Variants in DSCAM observed in about 807,000 individuals in gnomAD.
DSCAM encodes cell adhesion molecule DSCAM.
In DSCAM, 47 loss-of-function variants were observed where a neutral mutation model predicts 217.7. The observed-to-expected ratio is 0.22, with a 90% CI of 0.17 to 0.28. The LOEUF is 0.28. Ranked by LOEUF, DSCAM falls within the 10% of genes least tolerant of loss-of-function variation. The pLI, the probability that DSCAM is intolerant of heterozygous loss-of-function variation, is 1.00. For synonymous variants in DSCAM, 1,056 were observed against 1,015.3 expected, an observed-to-expected ratio of 1.04 and a Z score of -0.76; for missense variants, 2,080 against 2,618.3, an observed-to-expected ratio of 0.79 and a Z score of 4.49.
At chr21:40,233,373 C>T (rs1339118982) in intron 11 of DSCAM, among the ~76,000 whole-genome samples, 1 of 152,114 alleles carries the variant, frequency 6.6e-6, no homozygotes, top group African/African-American at 2.4e-5. Flanking sequence ...CCAAAAAACT[C>T]ACCTAAACAA....
intron 3 of DSCAM, among the ~76,000 whole-genome samples, chr21:40,676,636 C>CT (rs2090343352): frequency 2.0e-5 from 3 of 152,100 alleles, no homozygotes; most frequent in Non-Finnish European, 4.4e-5. Flanking sequence ...GAGGAATTGA[C>CT]TTGATGGGGA....
At chr21:40,480,690 T>G (rs2075974730) in intron 3 of DSCAM, among the ~76,000 whole-genome samples, 2 of 152,224 alleles carry the variant, frequency 1.3e-5, no homozygotes, top group South Asian at 4.1e-4. Flanking sequence ...CGTGCTGGAC[T>G]GTCATATTAA....
chr21:40,797,476 C>T (rs1488644014), intron 1 of DSCAM, among the ~76,000 whole-genome samples: 11 of 152,142 alleles, frequency 7.2e-5, no homozygotes, highest in Admixed American at 7.2e-4. Context: ...ACACATTCTC[C>T]CCAGTGAACA....
Position 40,083,923 on chromosome 21 carries a change from C to G in DSCAM, c.4216G>C (p.Gly1406Arg). ...ATCTTATTACCTCTGATAGAGCTGCCCCCGTTGTCTCCAGGGAGCCAAGAA... is the reference window on the plus strand; with the variant it reads ...ATCTTATTACCTCTGATAGAGCTGCGCCCGTTGTCTCCAGGGAGCCAAGAA... ...TLSWLPGDNG[G>R]SSIRGYILQY... Residue 1406 changes from glycine to arginine, a missense_variant, in exon 24 of 33, where the codon GGC (glycine) becomes CGC (arginine). Physicochemically the swap from Gly to Arg is moderately radical, Grantham distance 125. Coordinates refer to ENST00000400454, the MANE Select transcript of DSCAM (RefSeq NM_001389.5). The G allele has an allele frequency of 3.1e-6, 5 of 1,613,292 alleles. 1 individual carries two copies. Among genetic ancestry groups the G allele is most frequent in the Non-Finnish European group, 4.2e-6 (5 of 1,179,618 alleles).
At chr21:40,138,705 G>A (rs901368436) in intron 18 of DSCAM, among the ~76,000 whole-genome samples, 1 of 149,492 alleles carries the variant, frequency 6.7e-6, no homozygotes, top group Non-Finnish European at 1.5e-5. Context: ...TGGTGTATGT[G>A]TGGTGTGTGT....
At chr21:40,256,869 T>C (rs547047434) in intron 11 of DSCAM, among the ~76,000 whole-genome samples, 3 of 152,274 alleles carry the variant, frequency 2.0e-5, no homozygotes, top group South Asian at 2.1e-4. Flanking sequence ...GCTTACACCA[T>C]ACTTACTCTT....
chr21:40,044,340 T>C, intron 30 of DSCAM, 65 bp from the exon 31 acceptor site: 1 of 1,514,066 alleles, frequency 6.6e-7, no homozygotes, highest in Middle Eastern at 1.7e-4. Flanking sequence ...AGAGCAAGCG[T>C]AGAGGTCAGT....
At chr21:40,564,691 G>A (rs1359599592) in intron 3 of DSCAM, among the ~76,000 whole-genome samples, 2 of 152,166 alleles carry the variant, frequency 1.3e-5, no homozygotes, top group African/African-American at 4.8e-5. Context: ...ATGAGCACGT[G>A]AAACGGGAAC....
rs562639996 is a variant in DSCAM, at chr21:40,778,768, T to C, written c.43+67851A>G. 5.3e-5 allele frequency among the ~76,000 whole-genome samples: 8 copies of C among 152,272 alleles called. No homozygotes were observed. The East Asian group carries it at 1.5e-3, about 29-fold the overall frequency. ...GGCCGGGCATGGTGGCTCATGCCTG[T>C]AATCCCAGCACTTTGGGAGGCCAAG... On this transcript the variant is annotated intron_variant, in intron 1 of 32. Transcript: ENST00000400454.
intron 1 of DSCAM, among the ~76,000 whole-genome samples, chr21:40,738,785 T>C (rs2091091837): frequency 6.6e-6 from 1 of 152,200 alleles, no homozygotes; most frequent in Non-Finnish European, 1.5e-5. Flanking sequence ...AGCAAAGTCC[T>C]AGAACCAGAT....
At chr21:40,523,457 AGCCAGCAG>A (rs887517157) in intron 3 of DSCAM, among the ~76,000 whole-genome samples, 2 of 152,160 alleles carry the variant, frequency 1.3e-5, no homozygotes, top group South Asian at 4.1e-4. Context: ...CACCGACAGA[AGCCAGCAG>A]GCCAGCAGGC....
Position 40,187,153 on chromosome 21 carries a change from A to C in DSCAM, c.2757T>G (p.Asp919Glu). ...FDGNSPITGY[D>E]IECKNKSDSW... ...TACCTGATTTATTTTTGCATTCAATATCGTAGCCTGTGATGGGACTGTTTC... is the reference window on the plus strand; with the variant it reads ...TACCTGATTTATTTTTGCATTCAATCTCGTAGCCTGTGATGGGACTGTTTC... The change falls in exon 14 of 33, where the codon GAT (aspartate) becomes GAG (glutamate). Residue 919 changes from aspartate to glutamate, a missense_variant. Around this residue, in one of 5 missense-constraint regions of DSCAM, gnomAD observed 1,144 missense variants for 1,421.1 expected, o/e 0.81. Coordinates refer to ENST00000400454, the MANE Select transcript of DSCAM (RefSeq NM_001389.5). 6.2e-7 allele frequency: 1 copy of C among 1,614,056 alleles called. No individual in the cohort carries two copies. Among genetic ancestry groups the C allele is most frequent in the Non-Finnish European group, 8.5e-7 (1 of 1,179,956 alleles).
In DSCAM at chr21:40,674,694, G is replaced by A. The variant is rs1164460186; in HGVS notation, c.508+18116C>T. Among the ~76,000 whole-genome samples, 3 of 140,986 alleles carry A rather than the reference G, an allele frequency of 2.1e-5. No homozygotes were observed. In the East Asian group the frequency reaches 6.5e-4, roughly 30 times the overall value. The allele number at this position is 140,986 out of a possible 152,430, so 92.5% of individuals were successfully genotyped here. A position where few individuals can be genotyped will look rare whatever the true frequency, so the allele number is the denominator to read the frequency against. On this transcript the variant is annotated intron_variant, in intron 3 of 32. Coordinates refer to ENST00000400454, the MANE Select transcript of DSCAM (RefSeq NM_001389.5). ...GTCTCCCAGGCTGGAGTGCAGTGGC[G>A]CGATCTCGGCTCACTGCAAGCTCCG...
At chr21:40,460,710 G>C (rs2145947696) in intron 3 of DSCAM, among the ~76,000 whole-genome samples, 1 of 152,284 alleles carries the variant, frequency 6.6e-6, no homozygotes, top group Non-Finnish European at 1.5e-5. Flanking sequence ...TGTGTGAAAA[G>C]ATGCTGGTTT....
intron 15 of DSCAM, among the ~76,000 whole-genome samples, chr21:40,172,215 G>A (rs2090666707): frequency 6.6e-6 from 1 of 152,184 alleles, no homozygotes; most frequent in Non-Finnish European, 1.5e-5. Context: ...GTTGTAGTGA[G>A]CTGAGATTGT....
chr21:40,674,932 A>G (rs2090320879), intron 3 of DSCAM, among the ~76,000 whole-genome samples: 1 of 152,018 alleles, frequency 6.6e-6, no homozygotes, highest in African/African-American at 2.4e-5. Context: ...CCATAAAGGT[A>G]TTTTTAAAAG....
In DSCAM at chr21:40,408,130, A is replaced by G. The variant is rs1313934778; in HGVS notation, c.509-38885T>C. ...CTACAAGGAGGCACAGAATTATCTA[A>G]GCCCTGGGTCATCTCGGTGCCCAAC... On this transcript the variant is annotated intron_variant, in intron 3 of 32. Transcript: ENST00000400454. 3.3e-5 allele frequency among the ~76,000 whole-genome samples: 5 copies of G among 151,948 alleles called. No homozygotes were observed. In the East Asian group the frequency reaches 9.7e-4, roughly 29 times the overall value.
intron 3 of DSCAM, among the ~76,000 whole-genome samples, chr21:40,580,532 CTG>C (rs2076896526): frequency 6.6e-6 from 1 of 150,890 alleles, no homozygotes; most frequent in Admixed American, 6.6e-5. Context: ...GAGGGAGACT[CTG>C]TCTCAAAAAA....
At chr21:40,330,270 A>C (rs1009435231) in intron 8 of DSCAM, among the ~76,000 whole-genome samples, 1 of 147,812 alleles carries the variant, frequency 6.8e-6, no homozygotes, top group Non-Finnish European at 1.5e-5. Flanking sequence ...TATATATATC[A>C]AAATATATTT....
Sources: gnomAD v4.1 joint callset for allele counts (sites outside exome capture counted in the v4.1 genomes callset) on GRCh38, gnomAD v4.1.1 for gene constraint, gnomAD v4.1.1 regional missense constraint, MANE v1.5 for transcripts, NCBI Gene and HGNC (gene_info 2026-07-23, HGNC 2026-07-21) for gene names.